Variants in HTR7 observed in about 807,000 individuals in gnomAD.
HTR7 encodes 5-HT-7.
HTR7 carries 16 observed loss-of-function variants against 34.0 expected under a neutral mutation model. The observed-to-expected ratio is 0.47, with a 90% CI of 0.32 to 0.71. The LOEUF (loss-of-function observed/expected upper bound fraction) is 0.71. Ranked by LOEUF, HTR7 falls within the 30% of genes least tolerant of loss-of-function variation. The probability of loss-of-function intolerance (pLI) is 0.04; values close to 1 mark genes in which losing one functional copy is unlikely to be tolerated. For synonymous variants in HTR7, 265 were observed against 260.2 expected, an observed-to-expected ratio of 1.02 and a Z score of -0.18; for missense variants, 504 against 625.5, an observed-to-expected ratio of 0.81 and a Z score of 2.07.
At chr10:90,765,629 T>C (rs1845009801) in intron 1 of HTR7, among the ~76,000 whole-genome samples, 1 of 152,100 alleles carries the variant, frequency 6.6e-6, no homozygotes, top group Admixed American at 6.5e-5. Flanking sequence ...TTTATTTAGG[T>C]TCTTTCTTTT....
At chr10:90,759,827 T>C (rs946641104) in intron 1 of HTR7, among the ~76,000 whole-genome samples, 3 of 152,160 alleles carry the variant, frequency 2.0e-5, no homozygotes, top group African/African-American at 7.2e-5. Flanking sequence ...GGAAGCAAGG[T>C]AGGATACAGT....
At chr10:90,830,869 T>A (rs1318485835) in intron 1 of HTR7, among the ~76,000 whole-genome samples, 4 of 150,146 alleles carry the variant, frequency 2.7e-5, no homozygotes, top group African/African-American at 9.8e-5. Flanking sequence ...ATAAAATAAA[T>A]GCCTACTCCA....
intron 1 of HTR7, among the ~76,000 whole-genome samples, chr10:90,789,107 T>TTAAG (rs1489867519): frequency 6.6e-6 from 1 of 152,194 alleles, no homozygotes; most frequent in Non-Finnish European, 1.5e-5. Context: ...GATGGGGACT[T>TTAAG]TCTTAAGTTT....
At chr10:90,844,725 TCAAAAAAAAAAAAAAAA>T (rs1463815478) in intron 1 of HTR7, among the ~76,000 whole-genome samples, 9 of 27,790 alleles carry the variant, frequency 3.2e-4, no homozygotes, top group Admixed American at 1.4e-3. Flanking sequence ...AGACTCCGTC[TCAAAAAAAAAAAAAAAA>T]AAAAAAAAAA....
chr10:90,746,119 T>G (rs1844629562), intron 2 of HTR7, among the ~76,000 whole-genome samples: 1 of 152,328 alleles, frequency 6.6e-6, no homozygotes, highest in East Asian at 1.9e-4. Context: ...ATCATTTGAC[T>G]TCTCCACGCC....
At chr10:90,797,062 C>T (rs2119905054) in intron 1 of HTR7, among the ~76,000 whole-genome samples, 1 of 151,898 alleles carries the variant, frequency 6.6e-6, no homozygotes, top group East Asian at 1.9e-4. Context: ...TGATTCAGTG[C>T]CATAATCACA....
intron 1 of HTR7, among the ~76,000 whole-genome samples, chr10:90,841,921 AC>A (rs1404125010): frequency 6.6e-6 from 1 of 152,178 alleles, no homozygotes; most frequent in Non-Finnish European, 1.5e-5. Flanking sequence ...AATCATTTGA[AC>A]CCAGGAGACA....
chr10:90,743,827 T>A (rs926684102), intron 2 of HTR7, 137 bp from the exon 3 acceptor site: 1 of 754,818 alleles, frequency 1.3e-6, no homozygotes, highest in African/African-American at 1.7e-5. Context: ...AGGATTAAAA[T>A]TGATAGCAGT....
intron 2 of HTR7, 91 bp from the exon 3 acceptor site, chr10:90,743,781 T>A (rs1468443322): frequency 2.0e-6 from 2 of 999,846 alleles, no homozygotes; most frequent in Non-Finnish European, 3.1e-6. Context: ...TTATCATATT[T>A]GGTTTTATAT....
At chr10:90,746,220 A>T (rs1564667136) in intron 2 of HTR7, among the ~76,000 whole-genome samples, 1 of 152,378 alleles carries the variant, frequency 6.6e-6, no homozygotes, top group South Asian at 2.1e-4. Flanking sequence ...TAAAGTGCTC[A>T]GCAAAGTGTC....
intron 1 of HTR7, among the ~76,000 whole-genome samples, chr10:90,854,760 G>A (rs758337842): frequency 6.6e-6 from 1 of 152,170 alleles, no homozygotes; most frequent in African/African-American, 2.4e-5. Flanking sequence ...CAGGCTAAAT[G>A]CCCAACAGAT....
In HTR7 at chr10:90,857,643, G is replaced by A. The variant is rs1396660938; in HGVS notation, c.29C>T (p.Pro10Leu). MMDVNSSGR[P>L]DLYGHLRSFL... Reference sequence around the variant, plus strand: ...AGAGCGGAGGTGCCCGTAGAGGTCCGGGCGGCCGCTGCTGTTAACGTCCAT... The same window carrying A: ...AGAGCGGAGGTGCCCGTAGAGGTCCAGGCGGCCGCTGCTGTTAACGTCCAT... Residue 10 changes from proline (P) to leucine (L), a missense_variant, in exon 1 of 4, where the codon CCG (proline) becomes CTG (leucine). By Grantham distance (98) the Pro-to-Leu change is moderately conservative. Transcript: ENST00000336152. This position sits in a 1 kb window ranked among gnomAD's most constrained non-coding sequence, Gnocchi z 6.5. The A allele has an allele frequency of 1.9e-6, 3 of 1,592,024 alleles. No individual in the cohort carries two copies. Among genetic ancestry groups the A allele is most frequent in the African/African-American group, 1.4e-5 (1 of 73,932 alleles).
At chr10:90,795,227 C>A (rs1225917841) in intron 1 of HTR7, among the ~76,000 whole-genome samples, 1 of 152,018 alleles carries the variant, frequency 6.6e-6, no homozygotes, top group East Asian at 1.9e-4. Context: ...TTTGAGAAAC[C>A]CCCATACTTT....
intron 1 of HTR7, among the ~76,000 whole-genome samples, chr10:90,776,483 T>C (rs988863514): frequency 1.3e-5 from 2 of 152,266 alleles, no homozygotes; most frequent in Non-Finnish European, 2.9e-5. Flanking sequence ...GAATAAATTC[T>C]ATAAACCTTA....
At chr10:90,782,450 G>T (rs1265558204) in intron 1 of HTR7, among the ~76,000 whole-genome samples, 1 of 151,424 alleles carries the variant, frequency 6.6e-6, no homozygotes, top group Non-Finnish European at 1.5e-5. Flanking sequence ...TATAAATGGG[G>T]ATGATGATGA....
At chr10:90,747,682 CA>C (rs1215544104) in intron 2 of HTR7, among the ~76,000 whole-genome samples, 1 of 152,132 alleles carries the variant, frequency 6.6e-6, no homozygotes, top group East Asian at 1.9e-4. Flanking sequence ...TGTTGAAAGA[CA>C]GGGGTGGACA....
At chr10:90,758,344 C>CAAAAAA (rs58130009) in intron 1 of HTR7, among the ~76,000 whole-genome samples, 2 of 51,916 alleles carry the variant, frequency 3.9e-5, no homozygotes, top group Non-Finnish European at 6.6e-5. Flanking sequence ...GGCTCTGTCT[C>CAAAAAA]AAAAAAAAAA....
At chr10:90,802,495 G>C (rs1845643835) in intron 1 of HTR7, among the ~76,000 whole-genome samples, 2 of 152,134 alleles carry the variant, frequency 1.3e-5, no homozygotes, top group Admixed American at 6.5e-5. Context: ...TACCACCTGG[G>C]CTTTAAATGA....
At chr10:90,777,286 G>T (rs1845231855) in intron 1 of HTR7, among the ~76,000 whole-genome samples, 1 of 151,994 alleles carries the variant, frequency 6.6e-6, no homozygotes, top group South Asian at 2.1e-4. Flanking sequence ...TTTGAGACCA[G>T]CCTGACCAAC....
Sources: allele counts gnomAD v4.1 joint callset (sites outside exome capture counted in the v4.1 genomes callset), GRCh38; gene constraint gnomAD v4.1.1; non-coding constraint Gnocchi (gnomAD v3.1); transcripts MANE v1.5; gene names NCBI Gene and HGNC (gene_info 2026-07-23, HGNC 2026-07-21).